KNL1: variants seen among roughly 807,000 people sequenced by gnomAD.
KNL1 encodes the protein outer kinetochore KNL1 complex subunit KNL1.
Under a neutral mutation model 201.3 loss-of-function variants are expected in KNL1, and 66 were observed. The ratio of observed to expected loss-of-function variants is 0.33; its 90% CI spans 0.27 to 0.40. KNL1 has a LOEUF of 0.40. KNL1 is among the 10% of genes least tolerant of loss of function. The pLI, the probability that KNL1 is intolerant of heterozygous loss-of-function variation, is 1.00. For missense variants in KNL1, 2,815 were observed against 2,690.5 expected (o/e 1.05, Z -1.02); for synonymous variants, 895 against 899.2 (o/e 1.00, Z 0.08).
intron 1 of KNL1, 104 bp from the exon 2 acceptor site, chr15:40,602,811 C>G (rs1399612263): frequency 1.6e-6 from 1 of 631,716 alleles, no homozygotes; most frequent in Non-Finnish European, 2.7e-6. Context: ...GGTCTTCCCT[C>G]AGAAAGTAAC....
At chr15:40,656,160 G>A (rs751031703) in intron 22 of KNL1, among the ~76,000 whole-genome samples, 49 of 152,140 alleles carry the variant, frequency 3.2e-4, no homozygotes, top group Non-Finnish European at 5.1e-4. Context: ...GCTGGGTGCC[G>A]TGGCTCACAC....
At position 40,662,967 on chromosome 15, in the gene KNL1, CAA is replaced by C. The variant is rs1445750398; in HGVS notation, c.*783_*784del. On this transcript the variant is annotated 3_prime_UTR_variant, in exon 26 of 26. Transcript: ENST00000399668. ...AGAGCAAGACCCTGTCTCAAAAAAA[CAA>C]AAAGAGAGAAAGCAATAGCACTCAG... is the stretch of plus-strand genomic sequence containing the variant. 1 of 182,002 alleles carries C rather than the reference CAA, an allele frequency of 5.5e-6. No homozygotes were observed. Among genetic ancestry groups the C allele is most frequent in the Admixed American group, 6.3e-5 (1 of 15,924 alleles). 11.3% of individuals were successfully genotyped at this position (182,002 alleles called of 1,614,324 possible).
At chr15:40,660,608 T>A (rs1357120364) in intron 25 of KNL1, among the ~76,000 whole-genome samples, 2 of 134,262 alleles carry the variant, frequency 1.5e-5, no homozygotes, top group Admixed American at 9.1e-5. Context: ...GAGGTTGCAG[T>A]GAGCCGAGAT....
chr15:40,624,655 A>T lies in KNL1; in HGVS notation c.4391A>T (p.Glu1464Val). The change falls in exon 10 of 26, where the codon GAA (glutamate) becomes GTA (valine). Residue 1464 changes from glutamate to valine, a missense_variant. This residue lies in a region of KNL1 where 2,464 missense variants were observed against 2,291.7 expected (regional missense o/e 1.08). Transcript: ENST00000399668. Reference sequence around the variant, plus strand: ...GGACAGAGTAGTATCAATAAAGAAGAAGTAATACTGTCTAAAGCTGGAAAT... The same window carrying T: ...GGACAGAGTAGTATCAATAAAGAAGTAGTAATACTGTCTAAAGCTGGAAAT... ...KKGQSSINKE[E>V]VILSKAGNKS... The T allele has an allele frequency of 4.3e-6, 7 of 1,613,782 alleles. No homozygotes were observed. Among genetic ancestry groups the T allele is most frequent in the African/African-American group, 1.3e-5 (1 of 75,040 alleles).
intron 9 of KNL1, 28 bp downstream of exon 9, chr15:40,619,039 T>G: frequency 7.2e-7 from 1 of 1,396,624 alleles, no homozygotes; most frequent in Non-Finnish European, 1.0e-6. Context: ...TACCTTCATA[T>G]TGTAATGTCA....
chr15:40,636,905 A>C (rs1307044624), intron 13 of KNL1, among the ~76,000 whole-genome samples: 1 of 152,188 alleles, frequency 6.6e-6, no homozygotes, highest in Non-Finnish European at 1.5e-5. Context: ...AGCAAATTCC[A>C]AGCATCATCA....
At chr15:40,610,797 A>C (rs1197594171) in intron 6 of KNL1, 1 of 455,640 alleles carries the variant, frequency 2.2e-6, no homozygotes, top group Admixed American at 2.3e-5. Flanking sequence ...GTTGTTCCCC[A>C]GGCTGCAGTG....
In KNL1 at chr15:40,623,676, T is replaced by C. The variant is rs776320260; in HGVS notation, c.3412T>C (p.Cys1138Arg). The C allele has an allele frequency of 3.0e-5, 49 of 1,613,912 alleles. No individual in the cohort carries two copies. In the East Asian group the frequency reaches 1.0e-3, roughly 34 times the overall value. The change falls in exon 10 of 26, where the codon TGT becomes CGT. Residue 1138 changes from cysteine (C) to arginine (R), a missense_variant. Transcript: ENST00000399668. ...TAGGAGTCACACAACTGCCTTAGAATGTAAAACTCTCCTGCCAAATGAAAT... is the reference window on the plus strand; with the variant it reads ...TAGGAGTCACACAACTGCCTTAGAACGTAAAACTCTCCTGCCAAATGAAAT... ...ITRSHTTALE[C>R]KTLLPNEIAI...
chr15:40,609,335 A>G (rs1892081443), intron 5 of KNL1, among the ~76,000 whole-genome samples: 1 of 152,098 alleles, frequency 6.6e-6, no homozygotes, highest in East Asian at 1.9e-4. Context: ...GGATTGCTTC[A>G]GTTCAGGAGT....
Position 40,623,646 on chromosome 15 carries a change from A to G in KNL1, c.3382A>G (p.Ile1128Val). ...TTCATGTGGGCAGGATGACATGGAG[A>G]TCACTAGGAGTCACACAACTGCCTT... ...LYSCGQDDME[I>V]TRSHTTALEC... Residue 1128 changes from isoleucine (I) to valine (V), a missense_variant, in exon 10 of 26, where the codon ATC becomes GTC. Ile to Val is a conservative substitution (Grantham distance 29). This residue lies in a region of KNL1 where 2,464 missense variants were observed against 2,291.7 expected (regional missense o/e 1.08). Coordinates refer to ENST00000399668, the MANE Select transcript of KNL1 (RefSeq NM_144508.5). 1 of 1,613,868 alleles carries G rather than the reference A, an allele frequency of 6.2e-7. No homozygotes were observed. The highest frequency in any genetic ancestry group is 8.5e-7 in the Non-Finnish European group (1 of 1,179,888).
chr15:40,658,180 C>T (rs1334697146), intron 24 of KNL1, among the ~76,000 whole-genome samples: 1 of 151,934 alleles, frequency 6.6e-6, no homozygotes, highest in Non-Finnish European at 1.5e-5. Context: ...GTAGGAGAAT[C>T]ACTTGAACCC....
At position 40,629,495 on chromosome 15, in the gene KNL1, C is replaced by CT. The variant is rs386382806; in HGVS notation, c.5682+150dup. 3,209 of 177,600 alleles carry CT rather than the reference C, an allele frequency of 0.018. 84 individuals carry two copies. Among genetic ancestry groups the CT allele is most frequent in the East Asian group, 0.029 (96 of 3,328 alleles). The allele number at this position is 177,600 out of a possible 1,614,324, so 11.0% of individuals were successfully genotyped here. On this transcript the variant is annotated intron_variant, in intron 13 of 25. Coordinates refer to ENST00000399668, the MANE Select transcript of KNL1 (RefSeq NM_144508.5). ...TCTTTTTTTTTTTTTTTTGCCTTTT[C>CT]TTTTTTTTTTTTTTTTTTTTTTTTT...
Position 40,638,989 on chromosome 15 carries a change from T to A in KNL1, c.5683-1923T>A, listed in dbSNP as rs1037738784. ...ACCACACCCGGCTAATTTTGTATTT[T>A]GTATTGTTGGTCAGGCTGGTCACCA... On this transcript the variant is annotated intron_variant, in intron 13 of 25. Coordinates refer to ENST00000399668, the MANE Select transcript of KNL1 (RefSeq NM_144508.5). Among the ~76,000 whole-genome samples the A allele has an allele frequency of 2.7e-4, 40 of 149,694 alleles. 1 individual carries two copies. Among genetic ancestry groups the A allele is most frequent in the Non-Finnish European group, 4.4e-5 (3 of 67,428 alleles).
intron 8 of KNL1, among the ~76,000 whole-genome samples, chr15:40,617,891 G>C (rs1399615569): frequency 7.6e-6 from 1 of 132,366 alleles, no homozygotes; most frequent in Non-Finnish European, 1.6e-5. Context: ...TCGTTTGTTT[G>C]TTTTGTTTTT....
chr15:40,624,833 C>A lies in KNL1; in HGVS notation c.4569C>A (p.His1523Gln). The A allele has an allele frequency of 6.2e-7, 1 of 1,613,184 alleles. No individual in the cohort carries two copies. The highest frequency in any genetic ancestry group is 8.5e-7 in the Non-Finnish European group (1 of 1,179,870). ...ACTATAATACAGCTCTAGATTTCCA[C>A]AGTAACTCAGACGTAACTAAGCAAG... ...TTNYNTALDF[H>Q]SNSDVTKQVI... The change falls in exon 10 of 26, where the codon CAC (histidine) becomes CAA (glutamine). Residue 1523 changes from histidine (H) to glutamine (Q), a missense_variant. His to Gln is a conservative substitution (Grantham distance 24). Coordinates refer to ENST00000399668, the MANE Select transcript of KNL1 (RefSeq NM_144508.5).
At chr15:40,614,775 T>C (rs189611135) in intron 7 of KNL1, among the ~76,000 whole-genome samples, 72 of 152,334 alleles carry the variant, frequency 4.7e-4, no homozygotes, top group African/African-American at 1.6e-3. Context: ...GAACTCCCTA[T>C]TGATGGACAC....
Position 40,622,726 on chromosome 15 carries a change from C to G in KNL1, c.2462C>G (p.Ser821Cys). Residue 821 changes from serine (S) to cysteine (C), a missense_variant, in exon 10 of 26, where the codon TCT becomes TGT. Ser to Cys is a moderately radical substitution (Grantham distance 112, BLOSUM62 -1). Transcript: ENST00000399668. ...SPIEKSGVLK[S>C]NCIMDVLEDE... ...ATAGAAAAAAGTGGAGTGCTTAAATCTAACTGTATTATGGATGTGTTAGAG... is the reference window on the plus strand; with the variant it reads ...ATAGAAAAAAGTGGAGTGCTTAAATGTAACTGTATTATGGATGTGTTAGAG... The G allele has an allele frequency of 6.3e-7, 1 of 1,594,024 alleles. No individual in the cohort carries two copies. Among genetic ancestry groups the G allele is most frequent in the East Asian group, 2.2e-5 (1 of 44,816 alleles).
intron 1 of KNL1, among the ~76,000 whole-genome samples, chr15:40,597,559 G>A (rs190113901): frequency 1.1e-3 from 173 of 152,254 alleles, no homozygotes; most frequent in Admixed American, 2.9e-3. Flanking sequence ...ACAGGCTTGA[G>A]CCATCGCACC....
intron 25 of KNL1, among the ~76,000 whole-genome samples, chr15:40,661,784 T>A (rs1163778980): frequency 6.6e-6 from 1 of 152,182 alleles, no homozygotes; most frequent in Non-Finnish European, 1.5e-5. Context: ...GGCTCACGCC[T>A]GTAATCCCAG....
Sources: allele counts gnomAD v4.1 joint callset (sites outside exome capture counted in the v4.1 genomes callset), GRCh38; gene constraint gnomAD v4.1.1; regional missense constraint gnomAD v4.1.1; transcripts MANE v1.5; gene names NCBI Gene and HGNC (gene_info 2026-07-23, HGNC 2026-07-21).